Variants in CFHR2 observed in about 807,000 individuals in gnomAD.
The protein encoded by CFHR2 is complement factor H related 2.
CFHR2 carries 22 observed loss-of-function variants against 21.7 expected under a neutral mutation model. The ratio of observed to expected loss-of-function variants is 1.01; its 90% confidence interval spans 0.72 to 1.45. The LOEUF is 1.45. Ranked by LOEUF, CFHR2 falls within the 40% of genes most tolerant of loss-of-function variation. The pLI, the probability that CFHR2 is intolerant of heterozygous loss-of-function variation, is 0.00. For missense variants in CFHR2, 294 were observed against 293.3 expected (o/e 1.00, Z -0.02); for synonymous variants, 98 against 97.4 (o/e 1.01, Z -0.04).
chr1:196,946,032 T>C (rs1659471078), intron 1 of CFHR2, among the ~76,000 whole-genome samples: 1 of 151,970 alleles, frequency 6.6e-6, no homozygotes. Flanking sequence ...ATTGTAAGTA[T>C]ATGTTTATCT....
Position 196,949,651 on chromosome 1 carries a change from T to A in CFHR2, c.253+2T>A. 8 of 1,613,718 alleles carry A rather than the reference T, an allele frequency of 5.0e-6. No individual in the cohort carries two copies. In the South Asian group the frequency reaches 8.8e-5, roughly 18 times the overall value. On this transcript the variant is annotated splice_donor_variant, in intron 2 of 4. Coordinates refer to ENST00000367415, the MANE Select transcript of CFHR2 (RefSeq NM_005666.4). LOFTEE classifies it high-confidence loss of function. ...GGTCACCAACACCAAAGTGTCTCAG[T>A]GAGTAAATGCCCTGTTCATTAAATG...
intron 2 of CFHR2, among the ~76,000 whole-genome samples, chr1:196,950,455 T>C: frequency 6.6e-6 from 1 of 151,958 alleles, no homozygotes; most frequent in South Asian, 2.1e-4. Context: ...TTTTTGGTTT[T>C]TTGTTTGTTT....
Position 196,958,530 on chromosome 1 carries a change from C to T in CFHR2, c.614-351C>T, listed in dbSNP as rs553645834. Among the ~76,000 whole-genome samples, 17 of 151,976 alleles carry T rather than the reference C, an allele frequency of 1.1e-4. No individual in the cohort carries two copies. The South Asian group carries it at 3.5e-3, about 32-fold the overall frequency. On this transcript the variant is annotated intron_variant, in intron 4 of 4. Transcript: ENST00000367415. ...TGTCATTACATTTCTCTATTTGATT[C>T]CCAGTTCTTGTTCATCTTATTACTG...
intron 3 of CFHR2, among the ~76,000 whole-genome samples, chr1:196,952,872 T>C (rs931848745): frequency 3.3e-5 from 5 of 152,224 alleles, no homozygotes; most frequent in African/African-American, 1.2e-4. Flanking sequence ...GTTCAAGTTC[T>C]CACAATATTG....
Position 196,959,037 on chromosome 1 carries a change from G to A in CFHR2, c.770G>A (p.Cys257Tyr), listed in dbSNP as rs764013067. ...AAATCTCATTCATTTCGAGCAATGT[G>A]TCAGAATGGGAAACTGGTATATCCC... ...PTKSHSFRAM[C>Y]QNGKLVYPSC... Residue 257 changes from cysteine (C) to tyrosine (Y), a missense_variant, in exon 5 of 5, where the codon TGT (cysteine) becomes TAT (tyrosine). Coordinates refer to ENST00000367415, the MANE Select transcript of CFHR2 (RefSeq NM_005666.4). 3.1e-6 allele frequency: 5 copies of A among 1,612,172 alleles called. No homozygotes were observed. In the African/African-American group the frequency reaches 5.3e-5, roughly 17 times the overall value.
chr1:196,957,595 T>C (rs536657455), intron 3 of CFHR2, among the ~76,000 whole-genome samples: 3 of 152,208 alleles, frequency 2.0e-5, no homozygotes, highest in Non-Finnish European at 4.4e-5. Flanking sequence ...AGAAACTTTC[T>C]GTGTTTTGTC....
At chr1:196,947,129 A>ATGTGTGTGTG (rs60284392) in intron 1 of CFHR2, among the ~76,000 whole-genome samples, 2 of 148,556 alleles carry the variant, frequency 1.3e-5, no homozygotes, top group Non-Finnish European at 3.0e-5. Flanking sequence ...GTATATATGT[A>ATGTGTGTGTG]TGTGTGTGTG....
At chr1:196,951,482 T>C (rs1659724099) in intron 3 of CFHR2, among the ~76,000 whole-genome samples, 1 of 152,218 alleles carries the variant, frequency 6.6e-6, no homozygotes, top group Admixed American at 6.5e-5. Flanking sequence ...AGTCCATACT[T>C]CTGAGAGGTA....
At chr1:196,949,421 T>G in intron 1 of CFHR2, 34 bp from the exon 2 acceptor site, 1 of 1,561,866 alleles carries the variant, frequency 6.4e-7, no homozygotes. Context: ...TGTAGCTTAT[T>G]ATGTAATTCT....
intron 3 of CFHR2, among the ~76,000 whole-genome samples, chr1:196,955,851 AAAT>A (rs1038291405): frequency 2.6e-5 from 4 of 152,096 alleles, no homozygotes; most frequent in Non-Finnish European, 5.9e-5. Context: ...TGTCTCAAAA[AAAT>A]AATAATAATA....
intron 3 of CFHR2, 60 bp downstream of exon 3, chr1:196,951,088 C>A: frequency 6.4e-7 from 1 of 1,572,196 alleles, no homozygotes; most frequent in Non-Finnish European, 8.7e-7. Context: ...AGAAATAAAT[C>A]TTTTTTTACA....
At chr1:196,951,760 T>G (rs984025593) in intron 3 of CFHR2, among the ~76,000 whole-genome samples, 16 of 152,292 alleles carry the variant, frequency 1.1e-4, no homozygotes, top group African/African-American at 3.8e-4. Context: ...CAGTAACTTC[T>G]GGCCACCATA....
intron 3 of CFHR2, among the ~76,000 whole-genome samples, chr1:196,957,297 G>T (rs1652925406): frequency 6.6e-6 from 1 of 150,848 alleles, no homozygotes; most frequent in Admixed American, 6.6e-5. Context: ...GAAGTCTCCA[G>T]CAACTTCAAA....
intron 3 of CFHR2, among the ~76,000 whole-genome samples, chr1:196,952,061 G>T (rs1659748504): frequency 6.6e-6 from 1 of 152,154 alleles, no homozygotes; most frequent in Non-Finnish European, 1.5e-5. Flanking sequence ...TCCGTGGTAT[G>T]CCTTTCAAAA....
At chr1:196,950,686 T>G (rs1659690697) in intron 2 of CFHR2, among the ~76,000 whole-genome samples, 166 bp from the exon 3 acceptor site, 1 of 152,194 alleles carries the variant, frequency 6.6e-6, no homozygotes, top group Admixed American at 6.5e-5. Flanking sequence ...TTGACCAGGC[T>G]GGCCTCGAAC....
chr1:196,957,465 T>C (rs936685489), intron 3 of CFHR2, among the ~76,000 whole-genome samples: 1 of 152,084 alleles, frequency 6.6e-6, no homozygotes, highest in Admixed American at 6.6e-5. Context: ...TTTTAGTTTC[T>C]ATTAATTTGT....
chr1:196,951,527 G>A (rs1659725138), intron 3 of CFHR2, among the ~76,000 whole-genome samples: 1 of 152,080 alleles, frequency 6.6e-6, no homozygotes, highest in African/African-American at 2.4e-5. Context: ...TTTGGAAAAC[G>A]ATTCTTTTGG....
chr1:196,958,222 T>C, intron 4 of CFHR2, 149 bp downstream of exon 4: 1 of 588,798 alleles, frequency 1.7e-6, no homozygotes, highest in South Asian at 5.9e-5. Context: ...GAATGTAAAG[T>C]TTAGAAATTT....
intron 2 of CFHR2, among the ~76,000 whole-genome samples, chr1:196,949,938 T>C (rs1659662454): frequency 6.6e-6 from 1 of 152,262 alleles, no homozygotes; most frequent in South Asian, 2.1e-4. Context: ...AATATTCATT[T>C]GGCAGCAGCC....
Sources: allele counts gnomAD v4.1 joint callset (sites outside exome capture counted in the v4.1 genomes callset), GRCh38; gene constraint gnomAD v4.1.1; transcripts MANE v1.5; gene names NCBI Gene and HGNC (gene_info 2026-07-23, HGNC 2026-07-21).